The following FBXW7 variants were observed in gnomAD, a reference collection of about 807,000 sequenced individuals.
FBXW7 encodes F-box/WD repeat-containing protein 7.
In FBXW7, 11 loss-of-function variants were observed where a neutral mutation model predicts 86.3. The ratio of observed to expected loss-of-function variants is 0.13; its 90% CI spans 0.08 to 0.21. The LOEUF (loss-of-function observed/expected upper bound fraction) is 0.21. Among genes scored for constraint, FBXW7 ranks in the 10% least tolerant of loss-of-function variants. The pLI is 1.00. For synonymous variants in FBXW7, 313 were observed against 297.9 expected (o/e 1.05, Z -0.52); for missense variants, 488 against 847.4 (o/e 0.58, Z 5.27).
intron 4 of FBXW7, chr4:152,352,895 C>CCAGG: frequency 6.9e-7 from 1 of 1,443,416 alleles, no homozygotes; most frequent in Non-Finnish European, 9.1e-7. Context: ...ATGGTGCAGT[C>CCAGG]CAGGATTCAG....
rs1728521499 is a variant in FBXW7 at position 152,321,009 on chromosome 4, T to C, written c.*1872A>G. 6.0e-6 allele frequency: 1 copy of C among 166,542 alleles called. No homozygotes were observed. The allele number at this position is 166,542 out of a possible 1,614,324, so 10.3% of individuals were successfully genotyped here. A position where few individuals can be genotyped will look rare whatever the true frequency, so the allele number is the denominator to read the frequency against. On this transcript the variant is annotated 3_prime_UTR_variant, in exon 14 of 14. Transcript: ENST00000281708. ...TTGAGGGAACCAGATTTCATATTTA[T>C]ACACCCCAATGCAATCTACAGAGAT...
chr4:152,416,093 T>A (rs182457831), intron 2 of FBXW7, among the ~76,000 whole-genome samples: 1 of 152,228 alleles, frequency 6.6e-6, no homozygotes, highest in East Asian at 1.9e-4. Context: ...GAATTTAAGT[T>A]CTATAAGGAA....
At chr4:152,489,307 G>C (rs1579334848) in intron 2 of FBXW7, 1 of 154,510 alleles carries the variant, frequency 6.5e-6, no homozygotes, top group Non-Finnish European at 1.5e-5. Flanking sequence ...ATGGTGCTCA[G>C]TTCTGTTTTT....
Position 152,459,392 on chromosome 4 carries a change from T to C in FBXW7, c.-119-46863A>G, listed in dbSNP as rs999532601. 3.9e-5 allele frequency among the ~76,000 whole-genome samples: 6 copies of C among 152,314 alleles called. No homozygotes were observed. In the South Asian group the frequency reaches 1.0e-3, roughly 26 times the overall value. Reference sequence around the variant, plus strand: ...CTCCATCTCTTTGGAGCAAATAAGATACTACAGTATCATAGCCAAATCAGC... The same window carrying C: ...CTCCATCTCTTTGGAGCAAATAAGACACTACAGTATCATAGCCAAATCAGC... On this transcript the variant is annotated intron_variant, in intron 2 of 13. Coordinates refer to ENST00000281708, the MANE Select transcript of FBXW7 (RefSeq NM_001349798.2).
At chr4:152,378,551 T>C (rs967331856) in intron 4 of FBXW7, among the ~76,000 whole-genome samples, 3 of 152,148 alleles carry the variant, frequency 2.0e-5, no homozygotes, top group African/African-American at 7.2e-5. Context: ...AAGTCCCAAA[T>C]AAACCAACAA....
Position 152,411,883 on chromosome 4 carries a change from A to C in FBXW7, c.-69-11T>G. The C allele has an allele frequency of 1.4e-6, 2 of 1,456,672 alleles. No individual in the cohort carries two copies. The highest frequency in any genetic ancestry group is 2.5e-5 in the East Asian group (1 of 40,362). The allele number at this position is 1,456,672 out of a possible 1,614,324, so 90.2% of individuals were successfully genotyped here. On this transcript the variant is annotated splice_polypyrimidine_tract_variant and intron_variant, in intron 3 of 13. Transcript: ENST00000281708. ...AAAGGTTTTCACATTCTGCAGGGGAAAATAGGGTAAAAAACAAGATTTGTA... is the reference window on the plus strand; with the variant it reads ...AAAGGTTTTCACATTCTGCAGGGGACAATAGGGTAAAAAACAAGATTTGTA...
chr4:152,390,202 A>AT (rs1193648284), intron 4 of FBXW7, among the ~76,000 whole-genome samples: 11 of 150,994 alleles, frequency 7.3e-5, no homozygotes, highest in Non-Finnish European at 4.4e-5. Context: ...TAAACTTTGG[A>AT]TTTTATTTCT....
chr4:152,430,202 T>G (rs894089388), intron 2 of FBXW7, among the ~76,000 whole-genome samples: 2 of 152,216 alleles, frequency 1.3e-5, no homozygotes, highest in South Asian at 2.1e-4. Flanking sequence ...GGTAAAATCC[T>G]GAAGCAGTCC....
chr4:152,462,291 T>C (rs1743020294), intron 2 of FBXW7, among the ~76,000 whole-genome samples: 1 of 152,258 alleles, frequency 6.6e-6, no homozygotes, highest in Non-Finnish European at 1.5e-5. Context: ...AGCCAGCTGT[T>C]GGCCACGCAA....
intron 2 of FBXW7, among the ~76,000 whole-genome samples, chr4:152,462,932 T>C (rs1036312409): frequency 2.6e-5 from 4 of 151,780 alleles, no homozygotes; most frequent in African/African-American, 9.7e-5. Context: ...TTTTTTTTTT[T>C]TTTTAATCTC....
intron 2 of FBXW7, among the ~76,000 whole-genome samples, chr4:152,480,483 G>T (rs529283598): frequency 6.6e-6 from 1 of 152,256 alleles, no homozygotes; most frequent in South Asian, 2.1e-4. Context: ...CTAAGTGTTG[G>T]AGTGAAAAGA....
intron 2 of FBXW7, among the ~76,000 whole-genome samples, chr4:152,523,276 A>G (rs1442901309): frequency 6.6e-6 from 1 of 152,224 alleles, no homozygotes; most frequent in Non-Finnish European, 1.5e-5. Context: ...CCCTGACCTA[A>G]AAACTTTCAC....
intron 2 of FBXW7, among the ~76,000 whole-genome samples, chr4:152,425,375 G>A (rs532613324): frequency 4.6e-5 from 7 of 152,132 alleles, no homozygotes; most frequent in East Asian, 1.9e-4. Context: ...AATTATTCCC[G>A]TTTGTAAGGT....
intron 6 of FBXW7, among the ~76,000 whole-genome samples, chr4:152,340,135 T>C (rs1578922089): frequency 6.6e-6 from 1 of 152,114 alleles, no homozygotes; most frequent in South Asian, 2.1e-4. Context: ...TAACAAAACA[T>C]ATCTAAGACT....
At chr4:152,480,652 C>T (rs768280527) in intron 2 of FBXW7, among the ~76,000 whole-genome samples, 12 of 152,160 alleles carry the variant, frequency 7.9e-5, no homozygotes, top group East Asian at 1.9e-4. Flanking sequence ...ATTAAATGTG[C>T]TACTCCAGTG....
chr4:152,463,506 T>G (rs1743145908), intron 2 of FBXW7, among the ~76,000 whole-genome samples: 1 of 151,738 alleles, frequency 6.6e-6, no homozygotes, highest in African/African-American at 2.4e-5. Flanking sequence ...AGACAAGAAG[T>G]GGTCAGAGAT....
chr4:152,366,815 A>G (rs1417249984), intron 4 of FBXW7, among the ~76,000 whole-genome samples: 1 of 152,188 alleles, frequency 6.6e-6, no homozygotes, highest in African/African-American at 2.4e-5. Flanking sequence ...TACAATAAAG[A>G]CACATGCACA....
At chr4:152,486,918 CAT>C (rs1268224836) in intron 2 of FBXW7, among the ~76,000 whole-genome samples, 1 of 152,096 alleles carries the variant, frequency 6.6e-6, no homozygotes, top group Non-Finnish European at 1.5e-5. Flanking sequence ...TTAGTCCTAA[CAT>C]GTTATAACAG....
At position 152,411,619 on chromosome 4, in the gene FBXW7, A is replaced by G. The variant is rs1394417291; in HGVS notation, c.185T>C (p.Val62Ala). Residue 62 changes from valine (V) to alanine (A), a missense_variant, in exon 4 of 14, where the codon GTA becomes GCA. Physicochemically the swap from Val to Ala is moderately conservative, Grantham distance 64. Coordinates refer to ENST00000281708, the MANE Select transcript of FBXW7 (RefSeq NM_001349798.2). The part of the protein sequence containing the change: ...HTARNGEVVG[V>A]EPRPGGQNDS... ...ATTTTGGCCTCCAGGTCTAGGTTCT[A>G]CTCCAACAACTTCACCATTCCTTGC... is the stretch of plus-strand genomic sequence containing the variant. The G allele has an allele frequency of 6.2e-7, 1 of 1,613,752 alleles. No homozygotes were observed. The highest frequency in any genetic ancestry group is 8.5e-7 in the Non-Finnish European group (1 of 1,179,860).
Sources: allele counts gnomAD v4.1 joint callset (sites outside exome capture counted in the v4.1 genomes callset), GRCh38; gene constraint gnomAD v4.1.1; transcripts MANE v1.5; gene names NCBI Gene and HGNC (gene_info 2026-07-23, HGNC 2026-07-21).